ZNF253: variants seen among roughly 807,000 people sequenced by gnomAD.
The protein encoded by ZNF253 is DNA-binding protein.
In ZNF253, 8 loss-of-function variants were observed where a neutral mutation model predicts 11.9. The observed-to-expected ratio is 0.67, with a 90% confidence interval of 0.40 to 1.22. ZNF253 has a LOEUF of 1.22. Among genes scored for constraint, ZNF253 ranks in the 50% most tolerant of loss-of-function variants. The pLI, the probability that ZNF253 is intolerant of heterozygous loss-of-function variation, is 0.01. For missense variants in ZNF253, 485 were observed against 586.9 expected (o/e 0.83, Z 1.79); for synonymous variants, 194 against 194.9 (o/e 1.00, Z 0.04).
chr19:19,891,708 A>G lies in ZNF253; in HGVS notation c.461A>G (p.His154Arg), dbSNP rs772758759. Residue 154 changes from histidine (H) to arginine (R), a missense_variant, in exon 4 of 4, where the codon CAT (histidine) becomes CGT (arginine). By Grantham distance (29) the His-to-Arg change is conservative. This residue lies in a region of ZNF253 where 218 missense variants were observed against 213.1 expected (regional missense o/e 1.02). Transcript: ENST00000589717. Reference sequence around the variant, plus strand: ...TGTGATAAATATGGAAAAGTCTTTCATAAGTTTTCAAATTCAAACACATAT... The same window carrying G: ...TGTGATAAATATGGAAAAGTCTTTCGTAAGTTTTCAAATTCAAACACATAT... ...FQCDKYGKVF[H>R]KFSNSNTYKT... 1.9e-6 allele frequency: 3 copies of G among 1,614,014 alleles called. No homozygotes were observed. The highest frequency in any genetic ancestry group is 3.3e-5 in the Admixed American group (2 of 59,988).
At chr19:19,881,367 C>T (rs2063177081) in intron 3 of ZNF253, among the ~76,000 whole-genome samples, 1 of 151,866 alleles carries the variant, frequency 6.6e-6, no homozygotes, top group African/African-American at 2.4e-5. Context: ...TGGGGGTGGT[C>T]TCCCAAAGTA....
In ZNF253 at chr19:19,885,221, TTCTTTCTTTCTTTCTTTC is replaced by T. The variant is rs2063194061; in HGVS notation, c.226+5077_226+5094del. ...ATGTCATGTCTTTTTTTTGTATTCTTTCTTTCTTTCTTTCTTTCTTTCTTTCTTTCTTTCTTTCTTTCT... is the reference window on the plus strand; with the variant it reads ...ATGTCATGTCTTTTTTTTGTATTCTTTTTCTTTCTTTCTTTCTTTCTTTCT... On this transcript the variant is annotated intron_variant, in intron 3 of 3. Coordinates refer to ENST00000589717, the MANE Select transcript of ZNF253 (RefSeq NM_021047.3). Among the ~76,000 whole-genome samples, 2 of 39,108 alleles carry T rather than the reference TTCTTTCTTTCTTTCTTTC, an allele frequency of 5.1e-5. 1 individual carries two copies. The highest frequency in any genetic ancestry group is 8.5e-5 in the Non-Finnish European group (2 of 23,524). The allele number at this position is 39,108 out of a possible 152,430, so 25.7% of individuals were successfully genotyped here.
chr19:19,879,349 A>C (rs1462027375), intron 2 of ZNF253, among the ~76,000 whole-genome samples: 3 of 152,204 alleles, frequency 2.0e-5, no homozygotes, highest in Non-Finnish European at 2.9e-5. Flanking sequence ...TTTTCTCTTT[A>C]ATGTAGAAAA....
intron 1 of ZNF253, among the ~76,000 whole-genome samples, chr19:19,877,872 C>T (rs8113576): frequency 0.37 from 56,924 of 151,972 alleles, 13,008 homozygotes; most frequent in East Asian, 0.66. Flanking sequence ...TCTATCCTTT[C>T]TTCTCTTTTT....
At chr19:19,888,374 T>G (rs1303936491) in intron 3 of ZNF253, among the ~76,000 whole-genome samples, 8 of 152,124 alleles carry the variant, frequency 5.3e-5, no homozygotes, top group Non-Finnish European at 1.2e-4. Flanking sequence ...AACGTTATTT[T>G]ATTGTTTTAT....
At chr19:19,877,532 C>T (rs547659723) in intron 1 of ZNF253, among the ~76,000 whole-genome samples, 6 of 152,218 alleles carry the variant, frequency 3.9e-5, no homozygotes, top group South Asian at 2.1e-4. Flanking sequence ...TGTGCCACAA[C>T]GCCCAGCTAA....
chr19:19,882,677 A>T (rs1190221876), intron 3 of ZNF253, among the ~76,000 whole-genome samples: 1 of 152,178 alleles, frequency 6.6e-6, no homozygotes, highest in African/African-American at 2.4e-5. Flanking sequence ...TTGAGGTTTA[A>T]TTAAGAGATA....
intron 1 of ZNF253, 104 bp from the exon 2 acceptor site, chr19:19,878,377 T>A (rs1218124852): frequency 1.3e-6 from 2 of 1,585,848 alleles, no homozygotes; most frequent in Non-Finnish European, 1.7e-6. Context: ...TAGGCAGTCC[T>A]TTGAGTCAGA....
chr19:19,876,010 T>C (rs1176949440), intron 1 of ZNF253, among the ~76,000 whole-genome samples: 3 of 152,212 alleles, frequency 2.0e-5, no homozygotes, highest in Non-Finnish European at 4.4e-5. Context: ...CATTGCTGCT[T>C]TCTGTTTCTT....
chr19:19,889,088 G>C (rs1470330189), intron 3 of ZNF253, among the ~76,000 whole-genome samples: 1 of 151,288 alleles, frequency 6.6e-6, no homozygotes, highest in Admixed American at 6.6e-5. Context: ...TCTTATCTGT[G>C]ATTTTTGAAA....
chr19:19,867,434 T>C (rs2063116333), intron 1 of ZNF253, among the ~76,000 whole-genome samples: 1 of 152,204 alleles, frequency 6.6e-6, no homozygotes, highest in Admixed American at 6.5e-5. Flanking sequence ...TGATGCAGCC[T>C]TATTTAGCCT....
At chr19:19,867,623 C>CCT (rs2063117032) in intron 1 of ZNF253, among the ~76,000 whole-genome samples, 2 of 152,206 alleles carry the variant, frequency 1.3e-5, no homozygotes. Context: ...CCTGCCTCAG[C>CCT]CTCCCAGAGT....
chr19:19,869,986 A>C (rs1324055639), intron 1 of ZNF253, among the ~76,000 whole-genome samples: 1 of 152,094 alleles, frequency 6.6e-6, no homozygotes, highest in African/African-American at 2.4e-5. Flanking sequence ...AATAGTATGA[A>C]CATAAAGCCA....
Position 19,894,598 on chromosome 19 carries a change from T to A in ZNF253, c.*1851T>A, listed in dbSNP as rs1198233458. ...TTGGATGGTCTAACCTACATTAACATGTATGCGGAACATCTTAAAACTTTT... is the reference window on the plus strand; with the variant it reads ...TTGGATGGTCTAACCTACATTAACAAGTATGCGGAACATCTTAAAACTTTT... On this transcript the variant is annotated 3_prime_UTR_variant, in exon 4 of 4. Coordinates refer to ENST00000589717, the MANE Select transcript of ZNF253 (RefSeq NM_021047.3). 6.6e-6 allele frequency: 1 copy of A among 152,236 alleles called. No homozygotes were observed. Among genetic ancestry groups the A allele is most frequent in the Non-Finnish European group, 1.5e-5 (1 of 68,046 alleles). 9.4% of individuals were successfully genotyped at this position (152,236 alleles called of 1,614,324 possible). A position where few individuals can be genotyped will look rare whatever the true frequency, so the allele number is the denominator to read the frequency against.
chr19:19,889,373 G>A (rs1482286213), intron 3 of ZNF253, among the ~76,000 whole-genome samples: 1 of 151,874 alleles, frequency 6.6e-6, no homozygotes, highest in African/African-American at 2.4e-5. Context: ...CTGAGACAGA[G>A]TCTCACTCTG....
Position 19,892,542 on chromosome 19 carries a change from C to A in ZNF253, c.1295C>A (p.Ser432Tyr), listed in dbSNP as rs1459939408. ...KPYKCEECGK[S>Y]FTASSTLTTH... ...TACAAATGTGAAGAATGTGGCAAATCCTTTACTGCATCCTCAACTCTAACT... is the reference window on the plus strand; with the variant it reads ...TACAAATGTGAAGAATGTGGCAAATACTTTACTGCATCCTCAACTCTAACT... Residue 432 changes from serine (S) to tyrosine (Y), a missense_variant, in exon 4 of 4, where the codon TCC (serine) becomes TAC (tyrosine). Physicochemically the swap from Ser to Tyr is moderately radical, Grantham distance 144. This residue lies in a region of ZNF253 where 232 missense variants were observed against 321.4 expected (regional missense o/e 0.72). Transcript: ENST00000589717. The A allele has an allele frequency of 6.2e-7, 1 of 1,613,908 alleles. No homozygotes were observed. Among genetic ancestry groups the A allele is most frequent in the Admixed American group, 1.7e-5 (1 of 59,992 alleles).
chr19:19,889,718 C>A (rs1235930343), intron 3 of ZNF253, among the ~76,000 whole-genome samples: 1 of 152,136 alleles, frequency 6.6e-6, no homozygotes, highest in Non-Finnish European at 1.5e-5. Context: ...TCACTCACTG[C>A]AAGCTTCCCA....
At chr19:19,878,685 A>G in intron 2 of ZNF253, 78 bp downstream of exon 2, 7 of 1,501,138 alleles carry the variant, frequency 4.7e-6, no homozygotes, top group Non-Finnish European at 6.2e-6. Flanking sequence ...GTTTGTTAGT[A>G]ATTTATTCTT....
intron 1 of ZNF253, among the ~76,000 whole-genome samples, chr19:19,869,502 C>G (rs936833045): frequency 6.6e-6 from 1 of 151,880 alleles, no homozygotes; most frequent in Non-Finnish European, 1.5e-5. Context: ...GCTGGGATTA[C>G]AGGCATGCAC....
Sources: allele counts gnomAD v4.1 joint callset (sites outside exome capture counted in the v4.1 genomes callset), GRCh38; gene constraint gnomAD v4.1.1; regional missense constraint gnomAD v4.1.1; transcripts MANE v1.5; gene names NCBI Gene and HGNC (gene_info 2026-07-23, HGNC 2026-07-21).